The following DYM variants were observed in gnomAD, a reference collection of about 807,000 sequenced individuals.
DYM encodes the protein dymeclin.
DYM carries 78 observed loss-of-function variants against 93.1 expected under a neutral mutation model. The ratio of observed to expected loss-of-function variants is 0.84; its 90% confidence interval spans 0.70 to 1.01. The LOEUF is 1.01. DYM is among the 50% of genes least tolerant of loss of function. The pLI, the probability that DYM is intolerant of heterozygous loss-of-function variation, is 0.00. For missense variants in DYM, 789 were observed against 845.0 expected, an observed-to-expected ratio of 0.93 and a Z score of 0.82; for synonymous variants, 321 against 319.7, an observed-to-expected ratio of 1.00 and a Z score of -0.04.
chr18:49,163,831 T>C, intron 14 of DYM, 44 bp from the exon 15 acceptor site: 1 of 1,252,582 alleles, frequency 8.0e-7, no homozygotes, highest in Middle Eastern at 1.9e-4. Flanking sequence ...AGGAACTGTT[T>C]TCTTTTCTGT....
rs571129351 is a variant in DYM, at chr18:49,201,496, A to G, written c.1625+8055T>C. ...GACCACATCAGTCAGGCTCAAAAGC[A>G]CCAAGTAAAACTCAATGGGCTACCA... On this transcript the variant is annotated intron_variant, in intron 14 of 17. Coordinates refer to ENST00000675505, the MANE Select transcript of DYM (RefSeq NM_001353214.3). 4.6e-5 allele frequency among the ~76,000 whole-genome samples: 7 copies of G among 152,332 alleles called. No homozygotes were observed. In the South Asian group the frequency reaches 1.4e-3, roughly 32 times the overall value.
intron 7 of DYM, 94 bp from the exon 8 acceptor site, chr18:49,332,100 C>G (rs550271709): frequency 1.3e-5 from 17 of 1,259,640 alleles, no homozygotes; most frequent in Admixed American, 9.6e-5. Flanking sequence ...TTAACACTAT[C>G]TGTTAATACA....
chr18:49,151,046 A>C (rs1053420802), intron 15 of DYM, among the ~76,000 whole-genome samples: 1 of 152,202 alleles, frequency 6.6e-6, no homozygotes, highest in African/African-American at 2.4e-5. Context: ...TCAAAGCACA[A>C]ATCAACTGGC....
intron 6 of DYM, among the ~76,000 whole-genome samples, chr18:49,339,996 G>A (rs1392337670): frequency 6.6e-6 from 1 of 152,112 alleles, no homozygotes; most frequent in Non-Finnish European, 1.5e-5. Flanking sequence ...TGTCGCCCAG[G>A]CTGGAGTGCA....
At chr18:49,298,142 A>T (rs1272059090) in intron 8 of DYM, among the ~76,000 whole-genome samples, 1 of 149,144 alleles carries the variant, frequency 6.7e-6, no homozygotes, top group Non-Finnish European at 1.5e-5. Flanking sequence ...AACACAAAAC[A>T]CGATATTACT....
At chr18:49,235,366 C>T (rs1338886356) in intron 13 of DYM, among the ~76,000 whole-genome samples, 1 of 152,100 alleles carries the variant, frequency 6.6e-6, no homozygotes, top group African/African-American at 2.4e-5. Flanking sequence ...CTGACTGATA[C>T]ACCTGATGAA....
Position 49,419,373 on chromosome 18 carries a change from T to C in DYM, c.140+10882A>G, listed in dbSNP as rs189544808. On this transcript the variant is annotated intron_variant, in intron 2 of 17. Transcript: ENST00000675505. The stretch of plus-strand genomic sequence containing the variant: ...GACTCTGTCTCAAAAATTAAAAAAA[T>C]AAAATAAAATAAAATAAAATTTGAG... Among the ~76,000 whole-genome samples the C allele has an allele frequency of 6.3e-3, 952 of 151,426 alleles. 5 individuals carry two copies. Among genetic ancestry groups the C allele is most frequent in the South Asian group, 0.014 (65 of 4,668 alleles).
At chr18:49,414,439 A>C (rs138962459) in intron 2 of DYM, among the ~76,000 whole-genome samples, 43 of 152,356 alleles carry the variant, frequency 2.8e-4, no homozygotes, top group Non-Finnish European at 5.6e-4. Context: ...TAGTTAGTAA[A>C]TTATAGCAGA....
intron 2 of DYM, among the ~76,000 whole-genome samples, chr18:49,419,920 C>G (rs923442508): frequency 6.6e-6 from 1 of 152,216 alleles, no homozygotes; most frequent in East Asian, 1.9e-4. Context: ...TCCATTTCGC[C>G]CTCTTTTCCT....
chr18:49,311,530 T>C (rs1245653210), intron 8 of DYM, among the ~76,000 whole-genome samples: 1 of 152,154 alleles, frequency 6.6e-6, no homozygotes, highest in East Asian at 1.9e-4. Flanking sequence ...ATATACACTA[T>C]GGAATACTAT....
intron 8 of DYM, among the ~76,000 whole-genome samples, chr18:49,325,393 A>G (rs2062810658): frequency 6.6e-6 from 1 of 152,184 alleles, no homozygotes; most frequent in Non-Finnish European, 1.5e-5. Context: ...CTACAGAAAC[A>G]CTCTGCTCTC....
chr18:49,332,421 C>T (rs2063376310), intron 7 of DYM, among the ~76,000 whole-genome samples: 1 of 152,088 alleles, frequency 6.6e-6, no homozygotes, highest in African/African-American at 2.4e-5. Context: ...TCTTGAACTC[C>T]AGTTACTTTA....
At chr18:49,372,802 A>G (rs1187126837) in intron 5 of DYM, among the ~76,000 whole-genome samples, 2 of 152,178 alleles carry the variant, frequency 1.3e-5, no homozygotes, top group African/African-American at 4.8e-5. Flanking sequence ...AAGGAAGCAT[A>G]TATTCACAAT....
intron 13 of DYM, among the ~76,000 whole-genome samples, chr18:49,244,928 G>A (rs997589180): frequency 2.6e-5 from 4 of 152,166 alleles, no homozygotes; most frequent in African/African-American, 9.7e-5. Flanking sequence ...TAACTGTTGC[G>A]GGAAATCAGG....
intron 16 of DYM, among the ~76,000 whole-genome samples, chr18:49,106,604 G>A (rs1175640460): frequency 6.6e-6 from 1 of 152,172 alleles, no homozygotes; most frequent in Non-Finnish European, 1.5e-5. Flanking sequence ...AGGCCTGGTG[G>A]TGAGAAAATC....
intron 8 of DYM, among the ~76,000 whole-genome samples, chr18:49,330,672 A>T (rs1237996950): frequency 6.6e-6 from 1 of 152,222 alleles, no homozygotes; most frequent in East Asian, 1.9e-4. Flanking sequence ...AATATTGGGA[A>T]ATATTCAGCT....
At chr18:49,200,509 T>C (rs1197162193) in intron 14 of DYM, among the ~76,000 whole-genome samples, 1 of 151,904 alleles carries the variant, frequency 6.6e-6, no homozygotes, top group Non-Finnish European at 1.5e-5. Flanking sequence ...GTTTTCCATA[T>C]TTCTACTTAT....
intron 17 of DYM, among the ~76,000 whole-genome samples, chr18:49,069,419 A>G (rs1159639368): frequency 6.6e-6 from 1 of 152,190 alleles, no homozygotes. Context: ...AAGGGTAGAG[A>G]TGATACCAGC....
At chr18:49,172,439 CT>C (rs2088871418) in intron 14 of DYM, among the ~76,000 whole-genome samples, 1 of 152,206 alleles carries the variant, frequency 6.6e-6, no homozygotes, top group Non-Finnish European at 1.5e-5. Context: ...CTTGCTAACA[CT>C]TGGCATTTCA....
Sources: allele counts gnomAD v4.1 joint callset (sites outside exome capture counted in the v4.1 genomes callset), GRCh38; gene constraint gnomAD v4.1.1; transcripts MANE v1.5; gene names NCBI Gene and HGNC (gene_info 2026-07-23, HGNC 2026-07-21).